The following DCDC1 variants were observed in gnomAD, a reference collection of about 807,000 sequenced individuals.
DCDC1 encodes doublecortin domain containing 1.
DCDC1 carries 200 observed loss-of-function variants against 178.3 expected under a neutral mutation model. That is an observed-to-expected ratio of 1.12 (90% CI 1.00 to 1.26). The LOEUF (loss-of-function observed/expected upper bound fraction) is 1.26. Among genes scored for constraint, DCDC1 ranks in the 50% most tolerant of loss-of-function variants. The pLI is 0.00. For synonymous variants in DCDC1, 690 were observed against 604.8 expected (o/e 1.14, Z -2.07); for missense variants, 1,983 against 1,749.2 (o/e 1.13, Z -2.38).
At chr11:30,906,259 A>T in intron 30 of DCDC1, 1 of 289,192 alleles carries the variant, frequency 3.5e-6, no homozygotes. Flanking sequence ...TTACTTCCTC[A>T]CCTAAAAGCA....
intron 20 of DCDC1, among the ~76,000 whole-genome samples, chr11:30,980,535 T>C (rs1950340657): frequency 6.6e-6 from 1 of 152,152 alleles, no homozygotes; most frequent in Admixed American, 6.6e-5. Flanking sequence ...GGGGATGGTG[T>C]GGCTGTGAAT....
intron 1 of DCDC1, among the ~76,000 whole-genome samples, chr11:31,352,490 T>C (rs552342867): frequency 6.6e-6 from 1 of 152,282 alleles, no homozygotes; most frequent in South Asian, 2.1e-4. Context: ...ACGTAAGAGC[T>C]TTCGACTATT....
chr11:30,995,925 C>T (rs557988492), intron 20 of DCDC1, among the ~76,000 whole-genome samples: 9 of 152,080 alleles, frequency 5.9e-5, no homozygotes, highest in South Asian at 2.1e-4. Context: ...TTAAATTAGA[C>T]GTTATCAAAA....
At chr11:31,243,130 TAA>T (rs1977383362) in intron 8 of DCDC1, among the ~76,000 whole-genome samples, 1 of 149,822 alleles carries the variant, frequency 6.7e-6, no homozygotes, top group Admixed American at 6.6e-5. Context: ...TAAAAAAATA[TAA>T]GATCATAAAT....
intron 21 of DCDC1, among the ~76,000 whole-genome samples, chr11:30,935,691 T>C (rs1293292046): frequency 6.6e-6 from 1 of 152,022 alleles, no homozygotes; most frequent in Non-Finnish European, 1.5e-5. Context: ...GTAGCTGGGA[T>C]TACAGGTGAG....
chr11:30,874,442 A>C (rs183563053), intron 38 of DCDC1, among the ~76,000 whole-genome samples: 1 of 152,290 alleles, frequency 6.6e-6, no homozygotes, highest in East Asian at 1.9e-4. Context: ...TTTTAAATGA[A>C]AGATGGGATT....
intron 20 of DCDC1, among the ~76,000 whole-genome samples, chr11:30,972,642 G>A (rs1949867562): frequency 6.6e-6 from 1 of 151,700 alleles, no homozygotes; most frequent in African/African-American, 2.4e-5. Flanking sequence ...AAGAAACAAG[G>A]CTATACCAAA....
chr11:30,979,882 T>C (rs528636019), intron 20 of DCDC1, among the ~76,000 whole-genome samples: 1 of 152,334 alleles, frequency 6.6e-6, no homozygotes, highest in South Asian at 2.1e-4. Flanking sequence ...TCTGTTCTTT[T>C]ACAGCAAAAT....
intron 36 of DCDC1, chr11:30,882,418 G>C (rs1942767494): frequency 6.6e-6 from 1 of 150,714 alleles, no homozygotes. Context: ...CAGGAGAGTA[G>C]TCTTTTTTTA....
chr11:31,262,279 A>AC (rs1944848720), intron 8 of DCDC1, among the ~76,000 whole-genome samples: 1 of 151,906 alleles, frequency 6.6e-6, no homozygotes, highest in African/African-American at 2.4e-5. Flanking sequence ...GAAAAAAAAA[A>AC]AAAAATTGTC....
intron 20 of DCDC1, among the ~76,000 whole-genome samples, chr11:31,018,651 C>A (rs892763159): frequency 3.3e-5 from 5 of 152,196 alleles, no homozygotes; most frequent in African/African-American, 1.2e-4. Context: ...CAAAAGCTAC[C>A]AAGAAATATT....
intron 15 of DCDC1, among the ~76,000 whole-genome samples, chr11:31,100,808 G>A (rs1157732196): frequency 6.6e-6 from 1 of 152,182 alleles, no homozygotes; most frequent in Non-Finnish European, 1.5e-5. Context: ...AGGCATACAT[G>A]TGTTTTCAGC....
Position 30,931,787 on chromosome 11 carries a change from G to C in DCDC1, c.2881C>G (p.Pro961Ala). 1 of 1,611,604 alleles carries C rather than the reference G, an allele frequency of 6.2e-7. No homozygotes were observed. Among genetic ancestry groups the C allele is most frequent in the Admixed American group, 1.7e-5 (1 of 59,720 alleles). ...TGTTCTTACTGCGTTTTCCGTCCAGGTGAGATATCTGGACCAAGGATAGTA... is the reference window on the plus strand; with the variant it reads ...TGTTCTTACTGCGTTTTCCGTCCAGCTGAGATATCTGGACCAAGGATAGTA... ...SVTILGPDIS[P>A]GRKTQCTEIL... Residue 961 changes from proline (P) to alanine (A), a missense_variant, in exon 22 of 39, where the codon CCT (proline) becomes GCT (alanine). Coordinates refer to ENST00000684477, the MANE Select transcript of DCDC1 (RefSeq NM_001387274.1).
intron 1 of DCDC1, among the ~76,000 whole-genome samples, chr11:31,344,869 C>T (rs1399808760): frequency 3.3e-5 from 5 of 152,188 alleles, no homozygotes; most frequent in East Asian, 1.9e-4. Flanking sequence ...TGGACAGTCT[C>T]TATTTCTCAT....
chr11:31,290,914 A>G (rs1947183400), intron 6 of DCDC1, 62 bp from the exon 7 acceptor site: 1 of 1,444,542 alleles, frequency 6.9e-7, no homozygotes, highest in East Asian at 2.3e-5. Flanking sequence ...TGGACACATC[A>G]TACTTCCCTC....
intron 7 of DCDC1, among the ~76,000 whole-genome samples, chr11:31,272,160 T>TA (rs71060483): frequency 6.1e-4 from 83 of 135,568 alleles, no homozygotes; most frequent in Admixed American, 8.0e-4. Flanking sequence ...AGACTCCATC[T>TA]AAAAAAAAAA....
At chr11:30,934,055 C>T (rs1348763023) in intron 21 of DCDC1, among the ~76,000 whole-genome samples, 2 of 152,184 alleles carry the variant, frequency 1.3e-5, no homozygotes, top group African/African-American at 4.8e-5. Flanking sequence ...CTGGTGGCAT[C>T]AAACTGGCTT....
At chr11:31,121,688 G>A (rs1257985133) in intron 11 of DCDC1, among the ~76,000 whole-genome samples, 1 of 151,704 alleles carries the variant, frequency 6.6e-6, no homozygotes, top group African/African-American at 2.4e-5. Flanking sequence ...GCCCCTGGTT[G>A]AGACCACTGC....
intron 9 of DCDC1, among the ~76,000 whole-genome samples, chr11:31,191,283 G>A (rs572369466): frequency 2.0e-5 from 3 of 151,972 alleles, no homozygotes; most frequent in Non-Finnish European, 4.4e-5. Flanking sequence ...AGCCTACTAT[G>A]TTCATAAATT....
Sources: allele counts gnomAD v4.1 joint callset (sites outside exome capture counted in the v4.1 genomes callset), GRCh38; gene constraint gnomAD v4.1.1; transcripts MANE v1.5; gene names NCBI Gene and HGNC (gene_info 2026-07-23, HGNC 2026-07-21).